SPDYA: variants seen among roughly 807,000 people sequenced by gnomAD.
SPDYA encodes speedy/RINGO cell cycle regulator family member A, also known as speedy protein A.
Under a neutral mutation model 36.7 loss-of-function variants are expected in SPDYA, and 11 were observed. The ratio of observed to expected loss-of-function variants is 0.30; its 90% CI spans 0.19 to 0.50. The LOEUF (loss-of-function observed/expected upper bound fraction) is 0.50. SPDYA is among the 20% of genes least tolerant of loss of function. The probability of loss-of-function intolerance (pLI) is 0.98; values close to 1 mark genes in which losing one functional copy is unlikely to be tolerated. For synonymous variants in SPDYA, 115 were observed against 118.7 expected (o/e 0.97, Z 0.20); for missense variants, 287 against 370.9 (o/e 0.77, Z 1.86).
At chr2:28,817,159 T>G (rs970377888) in intron 3 of SPDYA, among the ~76,000 whole-genome samples, 1 of 152,236 alleles carries the variant, frequency 6.6e-6, no homozygotes, top group Non-Finnish European at 1.5e-5. Context: ...CCCCTTCTTT[T>G]CATTAAGAGC....
chr2:28,831,654 G>C (rs1274392235), intron 6 of SPDYA, among the ~76,000 whole-genome samples: 4 of 152,248 alleles, frequency 2.6e-5, no homozygotes, highest in Admixed American at 6.5e-5. Flanking sequence ...AACTGTAAAT[G>C]TAATGAAGTA....
At chr2:28,837,007 G>C (rs1668620643) in intron 6 of SPDYA, among the ~76,000 whole-genome samples, 1 of 152,108 alleles carries the variant, frequency 6.6e-6, no homozygotes, top group Non-Finnish European at 1.5e-5. Flanking sequence ...TTAATACTCT[G>C]GCCAAGATGC....
At chr2:28,822,853 G>A (rs1572495975) in intron 5 of SPDYA, among the ~76,000 whole-genome samples, 1 of 152,120 alleles carries the variant, frequency 6.6e-6, no homozygotes, top group Admixed American at 6.5e-5. Context: ...TGATCTGCCC[G>A]CCTCGGCCTT....
At chr2:28,812,537 T>A (rs1020453208) in intron 1 of SPDYA, among the ~76,000 whole-genome samples, 2 of 152,066 alleles carry the variant, frequency 1.3e-5, no homozygotes, top group African/African-American at 4.8e-5. Flanking sequence ...ATGATTTTTT[T>A]AATGTTCATG....
At chr2:28,842,698 A>C (rs147179595) in intron 7 of SPDYA, among the ~76,000 whole-genome samples, 1 of 152,318 alleles carries the variant, frequency 6.6e-6, no homozygotes, top group African/African-American at 2.4e-5. Context: ...TTGTTTCAGG[A>C]TGTCAGAGTG....
At chr2:28,819,243 T>A (rs1450718533) in intron 4 of SPDYA, 137 bp downstream of exon 4, 39 of 599,190 alleles carry the variant, frequency 6.5e-5, no homozygotes, top group Middle Eastern at 5.0e-4. Context: ...GTGCAGTGGC[T>A]CACACCTGTA....
At chr2:28,848,917 G>A (rs1668958508) in intron 7 of SPDYA, among the ~76,000 whole-genome samples, 1 of 151,988 alleles carries the variant, frequency 6.6e-6, no homozygotes. Flanking sequence ...GTGGTGGCAT[G>A]TGCCTGTAGT....
At chr2:28,844,799 TGC>T in intron 7 of SPDYA, among the ~76,000 whole-genome samples, 1 of 151,724 alleles carries the variant, frequency 6.6e-6, no homozygotes, top group African/African-American at 2.4e-5. Context: ...CTGGGCATGG[TGC>T]GGGTGCCTGT....
intron 4 of SPDYA, 122 bp downstream of exon 4, chr2:28,819,228 G>C: frequency 1.4e-6 from 1 of 704,350 alleles, no homozygotes. Flanking sequence ...AGAGCTAGTG[G>C]CCAGGTGCAG....
At chr2:28,823,702 A>AATCTATAT (rs1668229848) in intron 5 of SPDYA, among the ~76,000 whole-genome samples, 1 of 49,228 alleles carries the variant, frequency 2.0e-5, no homozygotes, top group African/African-American at 7.2e-5. Context: ...GGAATGCATG[A>AATCTATAT]ATATATATAT....
chr2:28,812,925 C>CT (rs1245662794), intron 1 of SPDYA, among the ~76,000 whole-genome samples: 1 of 150,818 alleles, frequency 6.6e-6, no homozygotes, highest in Non-Finnish European at 1.5e-5. Flanking sequence ...ACTTCTCCTT[C>CT]TTTCCCTATC....
chr2:28,830,937 AAATT>A, intron 6 of SPDYA, among the ~76,000 whole-genome samples: 1 of 152,228 alleles, frequency 6.6e-6, no homozygotes, highest in East Asian at 1.9e-4. Flanking sequence ...TAGTTAAGAA[AAATT>A]TGATAAATGT....
At chr2:28,832,567 C>G (rs923166604) in intron 6 of SPDYA, among the ~76,000 whole-genome samples, 3 of 152,174 alleles carry the variant, frequency 2.0e-5, no homozygotes, top group Admixed American at 2.0e-4. Flanking sequence ...TCAAACTTAA[C>G]GTGCCTAAAA....
chr2:28,824,103 T>C (rs1190374483), intron 5 of SPDYA, among the ~76,000 whole-genome samples: 1 of 151,972 alleles, frequency 6.6e-6, no homozygotes, highest in East Asian at 1.9e-4. Context: ...ATATTTAAGT[T>C]GAATACCACA....
chr2:28,815,217 G>A (rs1350505843), intron 2 of SPDYA, among the ~76,000 whole-genome samples: 3 of 151,588 alleles, frequency 2.0e-5, no homozygotes, highest in African/African-American at 7.3e-5. Context: ...AGGAGGTCGA[G>A]GCTGCAGTGA....
chr2:28,841,016 C>T (rs1221222477), intron 7 of SPDYA, among the ~76,000 whole-genome samples: 1 of 149,516 alleles, frequency 6.7e-6, no homozygotes, highest in Non-Finnish European at 1.5e-5. Flanking sequence ...CTTACTGCAG[C>T]CTCCGCCTCC....
At chr2:28,849,804 T>C (rs761982498) in intron 7 of SPDYA, 46 bp from the exon 8 acceptor site, 3 of 1,131,004 alleles carry the variant, frequency 2.7e-6, no homozygotes, top group Non-Finnish European at 3.8e-6. Context: ...GTATTTAAAA[T>C]GGACAGATAC....
intron 5 of SPDYA, among the ~76,000 whole-genome samples, 195 bp downstream of exon 5, chr2:28,822,605 T>A (rs4643492): frequency 0.11 from 16,594 of 152,128 alleles, 1,634 homozygotes; most frequent in East Asian, 0.48. Context: ...AGATTTCCTT[T>A]TTTATTTATT....
chr2:28,846,431 T>A (rs1472740332), intron 7 of SPDYA, among the ~76,000 whole-genome samples: 1 of 151,820 alleles, frequency 6.6e-6, no homozygotes, highest in African/African-American at 2.4e-5. Flanking sequence ...AAAAACATGA[T>A]CCAGTGTAGG....
Sources: allele counts gnomAD v4.1 joint callset (sites outside exome capture counted in the v4.1 genomes callset), GRCh38; gene constraint gnomAD v4.1.1; transcripts MANE v1.5; gene names NCBI Gene and HGNC (gene_info 2026-07-23, HGNC 2026-07-21).